ZMYND8: variants seen among roughly 807,000 people sequenced by gnomAD.
ZMYND8 encodes the protein MYND-type zinc finger-containing chromatin reader ZMYND8.
Under a neutral mutation model 140.8 loss-of-function variants are expected in ZMYND8, and 37 were observed. The ratio of observed to expected loss-of-function variants is 0.26; its 90% CI spans 0.20 to 0.35. The LOEUF (loss-of-function observed/expected upper bound fraction) is 0.35. Among genes scored for constraint, ZMYND8 ranks in the 10% least tolerant of loss-of-function variants. The probability of loss-of-function intolerance (pLI) is 1.00; values close to 1 mark genes in which losing one functional copy is unlikely to be tolerated. For synonymous variants in ZMYND8, 592 were observed against 597.1 expected, an observed-to-expected ratio of 0.99 and a Z score of 0.12; for missense variants, 1,068 against 1,570.0, an observed-to-expected ratio of 0.68 and a Z score of 5.40.
At chr20:47,346,701 G>C (rs766741727) in intron 2 of ZMYND8, among the ~76,000 whole-genome samples, 11 of 152,118 alleles carry the variant, frequency 7.2e-5, no homozygotes, top group Non-Finnish European at 1.2e-4. Context: ...CCGCCTCCCA[G>C]GTTCAAGTGA....
At chr20:47,300,817 C>CA (rs1231299035) in intron 3 of ZMYND8, among the ~76,000 whole-genome samples, 1 of 151,938 alleles carries the variant, frequency 6.6e-6, no homozygotes, top group African/African-American at 2.4e-5. Context: ...GAGGCTCCAG[C>CA]AATCCTCCAG....
At chr20:47,255,594 GTATA>G (rs1284777204) in intron 12 of ZMYND8, among the ~76,000 whole-genome samples, 1 of 124,314 alleles carries the variant, frequency 8.0e-6, no homozygotes, top group Non-Finnish European at 1.6e-5. Flanking sequence ...GTGTGTGTGT[GTATA>G]TATATATATA....
At chr20:47,318,932 G>C in intron 2 of ZMYND8, 4 of 1,348,264 alleles carry the variant, frequency 3.0e-6, no homozygotes, top group Non-Finnish European at 3.9e-6. Flanking sequence ...GGCAGGGAAC[G>C]CCAAGAGGAG....
chr20:47,259,411 C>A (rs1041567399), intron 12 of ZMYND8, among the ~76,000 whole-genome samples: 1 of 152,170 alleles, frequency 6.6e-6, no homozygotes, highest in African/African-American at 2.4e-5. Flanking sequence ...CCAGGCTGTG[C>A]TCCAGCCCTG....
At chr20:47,343,371 G>A (rs894246369) in intron 2 of ZMYND8, among the ~76,000 whole-genome samples, 4 of 152,160 alleles carry the variant, frequency 2.6e-5, no homozygotes, top group Non-Finnish European at 4.4e-5. Flanking sequence ...GCCAAAGCTG[G>A]AATGATTTGA....
intron 12 of ZMYND8, among the ~76,000 whole-genome samples, chr20:47,257,533 T>C (rs1421101856): frequency 6.6e-6 from 1 of 151,688 alleles, no homozygotes; most frequent in Non-Finnish European, 1.5e-5. Context: ...TACTCACATA[T>C]ACCCAATATA....
At position 47,259,249 on chromosome 20, in the gene ZMYND8, T is replaced by C. The variant is rs572379213; in HGVS notation, c.1621+3039A>G. ...GGGTGTGAGAAAGCAAACCACAGAT[T>C]TGGGAACAATGAATGTTCCCAAGGA... On this transcript the variant is annotated intron_variant, in intron 12 of 22. Coordinates refer to ENST00000471951, the MANE Select transcript of ZMYND8 (RefSeq NM_001281775.3). Among the ~76,000 whole-genome samples, 327 of 152,272 alleles carry C rather than the reference T, an allele frequency of 2.1e-3. 3 individuals are homozygous for C. Among genetic ancestry groups the C allele is most frequent in the African/African-American group, 7.6e-3 (314 of 41,554 alleles).
intron 5 of ZMYND8, among the ~76,000 whole-genome samples, chr20:47,292,763 C>A (rs1601653446): frequency 6.6e-6 from 1 of 152,196 alleles, no homozygotes; most frequent in East Asian, 1.9e-4. Context: ...TTCTCTTCAT[C>A]TGTAGGGGCC....
chr20:47,342,473 G>A (rs1260706137), intron 2 of ZMYND8, among the ~76,000 whole-genome samples: 1 of 151,106 alleles, frequency 6.6e-6, no homozygotes. Flanking sequence ...CTTGAACCAG[G>A]GAAGTGGAGG....
intron 5 of ZMYND8, among the ~76,000 whole-genome samples, chr20:47,294,020 G>A (rs1424349340): frequency 6.6e-6 from 1 of 151,930 alleles, no homozygotes; most frequent in Non-Finnish European, 1.5e-5. Context: ...GTTTCCTGAG[G>A]GCTCCCTAGC....
At chr20:47,217,634 TC>T (rs1231324857) in intron 21 of ZMYND8, among the ~76,000 whole-genome samples, 13 of 151,562 alleles carry the variant, frequency 8.6e-5, no homozygotes, top group Non-Finnish European at 1.2e-4. Flanking sequence ...AAGTCTTGGC[TC>T]TCATAATTAC....
At chr20:47,311,784 C>T (rs1041114081) in intron 2 of ZMYND8, among the ~76,000 whole-genome samples, 11 of 152,090 alleles carry the variant, frequency 7.2e-5, no homozygotes, top group Admixed American at 2.0e-4. Context: ...GCAGGAGAAT[C>T]GCTTGAACCC....
chr20:47,277,041 T>C (rs919994501), intron 10 of ZMYND8, among the ~76,000 whole-genome samples: 28 of 152,180 alleles, frequency 1.8e-4, no homozygotes, highest in African/African-American at 6.8e-4. Context: ...GACTTAGTCA[T>C]TGTGAGCCAC....
intron 3 of ZMYND8, among the ~76,000 whole-genome samples, chr20:47,299,243 G>A (rs2148062974): frequency 6.6e-6 from 1 of 152,316 alleles, no homozygotes; most frequent in African/African-American, 2.4e-5. Context: ...CCTAGGTTCA[G>A]ATTTTAACTC....
chr20:47,216,495 C>CCAAAA (rs1491476122), intron 21 of ZMYND8, among the ~76,000 whole-genome samples: 12 of 59,458 alleles, frequency 2.0e-4, no homozygotes, highest in African/African-American at 6.7e-4. Flanking sequence ...GACTCTGTCT[C>CCAAAA]AAAAAAAAAA....
intron 4 of ZMYND8, among the ~76,000 whole-genome samples, chr20:47,296,180 G>GA (rs1298632552): frequency 6.6e-6 from 1 of 152,196 alleles, no homozygotes; most frequent in African/African-American, 2.4e-5. Flanking sequence ...CTGTTTGTTT[G>GA]ATTCTGGTTT....
At chr20:47,280,253 C>A (rs1453381538) in intron 10 of ZMYND8, among the ~76,000 whole-genome samples, 1 of 152,142 alleles carries the variant, frequency 6.6e-6, no homozygotes, top group Non-Finnish European at 1.5e-5. Context: ...CCAGGGGATC[C>A]CCTCTCCCAA....
chr20:47,212,699 C>G lies in ZMYND8; in HGVS notation c.3511G>C (p.Ala1171Pro). Residue 1171 changes from alanine (A) to proline (P), a missense_variant, in exon 22 of 23, where the codon GCC becomes CCC. Ala to Pro is a conservative substitution (Grantham distance 27). This residue lies in a region of ZMYND8 where 180 missense variants were observed against 187.8 expected (regional missense o/e 0.96). Transcript: ENST00000471951. The part of the protein sequence containing the change: ...SVSKRCDKQP[A>P]YAPTTTDHQP... ...TGGTCTGTGGTGGTTGGGGCATAGG[C>G]AGGTTGCTTGTCACACCTTTTGCTA... 1 of 1,613,070 alleles carries G rather than the reference C, an allele frequency of 6.2e-7. No individual in the cohort carries two copies. Among genetic ancestry groups the G allele is most frequent in the Non-Finnish European group, 8.5e-7 (1 of 1,179,372 alleles).
rs767753241 is a variant in ZMYND8 at position 47,210,614 on chromosome 20, C to T, written c.*147G>A. 1 of 1,276,794 alleles carries T rather than the reference C, an allele frequency of 7.8e-7. No homozygotes were observed. Among genetic ancestry groups the T allele is most frequent in the Non-Finnish European group, 1.1e-6 (1 of 890,442 alleles). The allele number at this position is 1,276,794 out of a possible 1,614,324, so 79.1% of individuals were successfully genotyped here. ...TGCTGGGTGTCCTGTAGTGTAGCAG[C>T]CCCCGCGCCGGGGGCTCAGGCTCAA... On this transcript the variant is annotated 3_prime_UTR_variant, in exon 23 of 23. Transcript: ENST00000471951.
Sources: gnomAD v4.1 joint callset for allele counts (sites outside exome capture counted in the v4.1 genomes callset) on GRCh38, gnomAD v4.1.1 for gene constraint, gnomAD v4.1.1 regional missense constraint, MANE v1.5 for transcripts, NCBI Gene and HGNC (gene_info 2026-07-23, HGNC 2026-07-21) for gene names.